Variants in SAMD3 observed in about 807,000 individuals in gnomAD.
SAMD3 encodes sterile alpha motif domain containing 3.
A neutral mutation model predicts 58.5 loss-of-function variants in SAMD3; 63 were observed. The observed-to-expected ratio is 1.08, with a 90% CI of 0.88 to 1.33. The LOEUF (loss-of-function observed/expected upper bound fraction) is 1.33, where lower values mean the gene tolerates loss of function less well. Among genes scored for constraint, SAMD3 ranks in the 40% most tolerant of loss-of-function variants. The pLI, the probability that SAMD3 is intolerant of heterozygous loss-of-function variation, is 0.00. For synonymous variants in SAMD3, 220 were observed against 210.3 expected, an observed-to-expected ratio of 1.05 and a Z score of -0.40; for missense variants, 604 against 608.4, an observed-to-expected ratio of 0.99 and a Z score of 0.08.
chr6:130,291,071 T>C (rs1436312763), intron 2 of SAMD3, among the ~76,000 whole-genome samples: 1 of 150,998 alleles, frequency 6.6e-6, no homozygotes, highest in Non-Finnish European at 1.5e-5. Flanking sequence ...ATGCCATACA[T>C]GGTGATGACA....
chr6:130,214,605 T>G, intron 3 of SAMD3, 79 bp from the exon 4 acceptor site: 2 of 1,006,756 alleles, frequency 2.0e-6, no homozygotes, highest in South Asian at 2.0e-5. Flanking sequence ...AAATTACCTC[T>G]AGTGATAAAA....
chr6:130,219,104 T>C (rs545706206), intron 1 of SAMD3, among the ~76,000 whole-genome samples: 1 of 152,216 alleles, frequency 6.6e-6, no homozygotes, highest in Non-Finnish European at 1.5e-5. Flanking sequence ...AACATCCATA[T>C]GTGCACCAGT....
chr6:130,239,635 G>A (rs745784675), intron 2 of SAMD3, among the ~76,000 whole-genome samples: 2 of 152,154 alleles, frequency 1.3e-5, no homozygotes, highest in African/African-American at 2.4e-5. Flanking sequence ...TGAAGAACAA[G>A]CAAGCAACTG....
intron 8 of SAMD3, among the ~76,000 whole-genome samples, chr6:130,170,543 G>A (rs1032407637): frequency 6.6e-5 from 10 of 152,150 alleles, no homozygotes; most frequent in African/African-American, 2.4e-4. Context: ...TAGGCAGTAT[G>A]GCCATTTTCA....
At chr6:130,301,618 T>C (rs1041438458) in intron 2 of SAMD3, among the ~76,000 whole-genome samples, 7 of 152,100 alleles carry the variant, frequency 4.6e-5, no homozygotes, top group Non-Finnish European at 1.0e-4. Context: ...AGAGCCCAAA[T>C]AGCCAAAGCA....
intron 2 of SAMD3, among the ~76,000 whole-genome samples, chr6:130,229,648 A>C (rs534527376): frequency 7.2e-4 from 109 of 152,332 alleles, no homozygotes; most frequent in African/African-American, 2.5e-3. Context: ...TTATGCTTCC[A>C]TTATGGCATT....
chr6:130,302,313 A>G (rs966976930), intron 2 of SAMD3, among the ~76,000 whole-genome samples: 2 of 152,236 alleles, frequency 1.3e-5, no homozygotes, highest in African/African-American at 4.8e-5. Context: ...AGAGGCCAAC[A>G]AACATAGGAA....
At chr6:130,164,724 T>C (rs1298994494) in intron 8 of SAMD3, among the ~76,000 whole-genome samples, 2 of 151,938 alleles carry the variant, frequency 1.3e-5, no homozygotes, top group African/African-American at 2.4e-5. Context: ...ATCTAGAATG[T>C]TGTCAGTTGT....
intron 9 of SAMD3, among the ~76,000 whole-genome samples, chr6:130,149,133 T>C (rs1788904084): frequency 6.6e-6 from 1 of 152,224 alleles, no homozygotes; most frequent in Admixed American, 6.5e-5. Flanking sequence ...CTTCCCAAGC[T>C]TCTAACTCTC....
At chr6:130,273,559 T>C (rs1562492854) in intron 2 of SAMD3, among the ~76,000 whole-genome samples, 1 of 152,050 alleles carries the variant, frequency 6.6e-6, no homozygotes, top group African/African-American at 2.4e-5. Context: ...TGTAGTTCTT[T>C]TGTTCTTTTT....
chr6:130,228,164 TA>T (rs1329004181), intron 2 of SAMD3, among the ~76,000 whole-genome samples: 1 of 152,194 alleles, frequency 6.6e-6, no homozygotes, highest in Non-Finnish European at 1.5e-5. Context: ...ACATGTTGTA[TA>T]TACAAAGCCA....
intron 2 of SAMD3, among the ~76,000 whole-genome samples, chr6:130,289,930 G>A (rs913848036): frequency 1.3e-5 from 2 of 152,052 alleles, no homozygotes; most frequent in Non-Finnish European, 2.9e-5. Context: ...TCGTAATCTT[G>A]GATCTATGTT....
At chr6:130,296,659 C>T (rs1157031940) in intron 2 of SAMD3, among the ~76,000 whole-genome samples, 1 of 152,130 alleles carries the variant, frequency 6.6e-6, no homozygotes, top group East Asian at 1.9e-4. Flanking sequence ...AGCCCAACTC[C>T]CCATCCCTAG....
chr6:130,346,518 T>G (rs953377997), intron 1 of SAMD3, among the ~76,000 whole-genome samples: 37 of 152,076 alleles, frequency 2.4e-4, no homozygotes, highest in African/African-American at 8.5e-4. Context: ...GCAGTGAGGA[T>G]GGGGGAGGGG....
intron 1 of SAMD3, among the ~76,000 whole-genome samples, chr6:130,222,483 GA>G (rs1251014316): frequency 2.5e-4 from 38 of 152,292 alleles, no homozygotes; most frequent in African/African-American, 8.9e-4. Context: ...CAGATTTGTG[GA>G]AAGAATAAAA....
intron 2 of SAMD3, among the ~76,000 whole-genome samples, chr6:130,241,155 C>A (rs923071862): frequency 1.3e-5 from 2 of 150,812 alleles, no homozygotes. Flanking sequence ...CTAGAAACAG[C>A]TTTAGCTGAT....
Position 130,352,319 on chromosome 6 carries a change from G to A in SAMD3, c.-304+12801C>T, listed in dbSNP as rs62432200. ...AAATCAAGATATTAAGACTTTATGA[G>A]TAGAAGCCCATTAAAATTATTTCAG... On this transcript the variant is annotated intron_variant, in intron 1 of 13. Transcript: ENST00000368134. 4.6e-5 allele frequency among the ~76,000 whole-genome samples: 7 copies of A among 152,216 alleles called. No homozygotes were observed. In the South Asian group the frequency reaches 1.5e-3, roughly 32 times the overall value.
intron 5 of SAMD3, among the ~76,000 whole-genome samples, chr6:130,195,756 C>G (rs941922908): frequency 1.3e-5 from 2 of 152,170 alleles, no homozygotes; most frequent in African/African-American, 4.8e-5. Flanking sequence ...TCTTCCTCAT[C>G]TGTTACCTGT....
rs140473365 is a variant in SAMD3, at chr6:130,211,776, C to T, written c.270-2168G>A. Among the ~76,000 whole-genome samples, 440 of 151,918 alleles carry T rather than the reference C, an allele frequency of 2.9e-3. 4 individuals are homozygous for T. Among genetic ancestry groups the T allele is most frequent in the African/African-American group, 9.3e-3 (385 of 41,406 alleles). On this transcript the variant is annotated intron_variant, in intron 4 of 11. Coordinates refer to ENST00000439090, the MANE Select transcript of SAMD3 (RefSeq NM_001017373.4). ...GGACCTCCTGAAGCTGTGTCATGGA[C>T]GGGTCCTTAACCTTGGCAAAATAAA...
Sources: gnomAD v4.1 joint callset for allele counts (sites outside exome capture counted in the v4.1 genomes callset) on GRCh38, gnomAD v4.1.1 for gene constraint, MANE v1.5 for transcripts, NCBI Gene and HGNC (gene_info 2026-07-23, HGNC 2026-07-21) for gene names.